Variants in ZC3H15 observed in about 807,000 individuals in gnomAD.
The protein encoded by ZC3H15 is zinc finger CCCH-type containing 15.
Under a neutral mutation model 51.2 loss-of-function variants are expected in ZC3H15, and 15 were observed. The observed-to-expected ratio is 0.29, with a 90% confidence interval of 0.20 to 0.45. The LOEUF is 0.45. Among genes scored for constraint, ZC3H15 ranks in the 20% least tolerant of loss-of-function variants. ZC3H15 has a pLI of 1.00. For missense variants in ZC3H15, 381 were observed against 494.7 expected, an observed-to-expected ratio of 0.77 and a Z score of 2.18; for synonymous variants, 144 against 162.8, an observed-to-expected ratio of 0.88 and a Z score of 0.88.
chr2:186,508,837 C>A lies in ZC3H15; in HGVS notation c.*104C>A. ...ATCAACAGGATGTTTATTTCCTATG[C>A]TGATTCTGGAGGAGTTAACCTCCTG... On this transcript the variant is annotated 3_prime_UTR_variant, in exon 10 of 10. Transcript: ENST00000337859. The A allele has an allele frequency of 1.5e-6, 2 of 1,306,356 alleles. No individual in the cohort carries two copies. The highest frequency in any genetic ancestry group is 2.1e-6 in the Non-Finnish European group (2 of 948,138). 80.9% of individuals were successfully genotyped at this position (1,306,356 alleles called of 1,614,324 possible).
intron 2 of ZC3H15, among the ~76,000 whole-genome samples, chr2:186,498,976 T>C (rs1411641537): frequency 1.3e-5 from 2 of 152,204 alleles, no homozygotes; most frequent in Non-Finnish European, 2.9e-5. Context: ...TCTTGCACTC[T>C]GTATGTCTAA....
rs144608903 is a variant in ZC3H15 at position 186,505,712 on chromosome 2, G to C, written c.865-28G>C. ...CAAGGAATGTTTAGATTTTTGTCCT[G>C]AGTTGATATATTTGTGTGTCTCAAT... On this transcript the variant is annotated intron_variant, in intron 7 of 9. Coordinates refer to ENST00000337859, the MANE Select transcript of ZC3H15 (RefSeq NM_018471.3). The C allele has an allele frequency of 6.1e-4, 976 of 1,609,274 alleles. 5 individuals are homozygous for C. The African/African-American group carries it at 0.012, about 20-fold the overall frequency.
chr2:186,493,653 G>T (rs1338718464), intron 1 of ZC3H15, among the ~76,000 whole-genome samples: 1 of 151,958 alleles, frequency 6.6e-6, no homozygotes, highest in African/African-American at 2.4e-5. Flanking sequence ...AGATCTGGAG[G>T]CTAGAAGTCT....
At chr2:186,507,263 G>GT in intron 9 of ZC3H15, 1 of 373,814 alleles carries the variant, frequency 2.7e-6, no homozygotes, top group Admixed American at 3.6e-5. Context: ...AAAGAAGCAA[G>GT]TAGGATGAAA....
Position 186,500,290 on chromosome 2 carries a change from A to G in ZC3H15, c.286A>G (p.Lys96Glu). 1 of 1,600,346 alleles carries G rather than the reference A, an allele frequency of 6.2e-7. No homozygotes were observed. The highest frequency in any genetic ancestry group is 8.5e-7 in the Non-Finnish European group (1 of 1,175,626). ...TGTAGTTGCTGCTCAAAAAATAAGTAAAGGTAAACTTAAAATTTCAGAAGT... is the reference window on the plus strand; with the variant it reads ...TGTAGTTGCTGCTCAAAAAATAAGTGAAGGTAAACTTAAAATTTCAGAAGT... Reference protein sequence around the residue: ...KPVVAAQKISKGADPKSVVCA... With the variant: ...KPVVAAQKISEGADPKSVVCA... Residue 96 changes from lysine (K) to glutamate (E), a missense_variant, in exon 3 of 10, where the codon AAA (lysine) becomes GAA (glutamate). Coordinates refer to ENST00000337859, the MANE Select transcript of ZC3H15 (RefSeq NM_018471.3).
chr2:186,505,429 A>T, intron 6 of ZC3H15, 22 bp from the exon 7 acceptor site: 2 of 1,515,340 alleles, frequency 1.3e-6, no homozygotes, highest in South Asian at 2.7e-5. Context: ...GTGGAAAAAA[A>T]ATTAATTCTT....
At chr2:186,507,533 A>G (rs2105595367) in intron 9 of ZC3H15, 4 of 454,878 alleles carry the variant, frequency 8.8e-6, no homozygotes, top group Non-Finnish European at 1.3e-5. Flanking sequence ...TGAAAGTATA[A>G]ATAATGAGTT....
chr2:186,498,837 TTTAA>T (rs1273211868), intron 2 of ZC3H15, among the ~76,000 whole-genome samples: 3 of 152,188 alleles, frequency 2.0e-5, no homozygotes, highest in African/African-American at 7.2e-5. Flanking sequence ...TACCCAAAGT[TTTAA>T]TTGTTACCTG....
rs1685511055 is a variant in ZC3H15, at chr2:186,508,940, T to A, written c.*207T>A. 1.5e-6 allele frequency: 1 copy of A among 652,342 alleles called. No individual in the cohort carries two copies. The highest frequency in any genetic ancestry group is 2.8e-6 in the Non-Finnish European group (1 of 360,518). 40.4% of individuals were successfully genotyped at this position (652,342 alleles called of 1,614,324 possible). On this transcript the variant is annotated 3_prime_UTR_variant, in exon 10 of 10. Transcript: ENST00000337859. ...ATAGTAAGTTCAGAGTAGTTCATGA[T>A]AAATTGAAAATATAATGGTCATTGC...
chr2:186,503,962 T>A, intron 5 of ZC3H15, 70 bp from the exon 6 acceptor site: 1 of 1,299,300 alleles, frequency 7.7e-7, no homozygotes, highest in Non-Finnish European at 1.0e-6. Flanking sequence ...ACTTGTTCCA[T>A]ATACTCAGGC....
intron 2 of ZC3H15, among the ~76,000 whole-genome samples, chr2:186,498,525 T>C (rs1685320932): frequency 6.6e-6 from 1 of 152,254 alleles, no homozygotes; most frequent in Non-Finnish European, 1.5e-5. Flanking sequence ...GATACTTCTA[T>C]TAAAAATTAA....
At chr2:186,506,353 T>A (rs1022858132) in intron 8 of ZC3H15, among the ~76,000 whole-genome samples, 1 of 152,330 alleles carries the variant, frequency 6.6e-6, no homozygotes, top group South Asian at 2.1e-4. Context: ...AGAAAAAAAT[T>A]GTACTCTATA....
chr2:186,505,930 A>T, intron 8 of ZC3H15, 89 bp downstream of exon 8: 1 of 1,366,410 alleles, frequency 7.3e-7, no homozygotes, highest in African/African-American at 1.4e-5. Flanking sequence ...CACCAACATC[A>T]GAGCCACAGT....
At chr2:186,491,557 A>G (rs2105585761) in intron 1 of ZC3H15, among the ~76,000 whole-genome samples, 1 of 152,288 alleles carries the variant, frequency 6.6e-6, no homozygotes, top group East Asian at 1.9e-4. Flanking sequence ...TAACTTTCAC[A>G]ACAACCCTAA....
chr2:186,500,327 T>C (rs1027257658), intron 3 of ZC3H15, 34 bp downstream of exon 3: 26 of 1,510,868 alleles, frequency 1.7e-5, no homozygotes, highest in Non-Finnish European at 2.3e-5. Context: ...TGATTTTTTA[T>C]CAAATGTAGT....
intron 4 of ZC3H15, among the ~76,000 whole-genome samples, 198 bp downstream of exon 4, chr2:186,501,623 C>G (rs905245557): frequency 1.3e-5 from 2 of 151,994 alleles, no homozygotes; most frequent in African/African-American, 2.4e-5. Context: ...CTTTAAAAAA[C>G]AGTGATTTAT....
intron 1 of ZC3H15, among the ~76,000 whole-genome samples, chr2:186,490,701 T>C (rs1471947508): frequency 6.6e-6 from 1 of 152,188 alleles, no homozygotes; most frequent in Non-Finnish European, 1.5e-5. Context: ...CCAAACATCT[T>C]ATTTAAGCAG....
At chr2:186,504,716 A>G (rs529619664) in intron 6 of ZC3H15, among the ~76,000 whole-genome samples, 1 of 152,348 alleles carries the variant, frequency 6.6e-6, no homozygotes, top group Non-Finnish European at 1.5e-5. Flanking sequence ...GCTCCGTACA[A>G]AACACAGTTT....
At chr2:186,490,717 G>A (rs895787353) in intron 1 of ZC3H15, among the ~76,000 whole-genome samples, 1 of 152,168 alleles carries the variant, frequency 6.6e-6, no homozygotes, top group African/African-American at 2.4e-5. Flanking sequence ...AGCAGTGGAG[G>A]CTGGCCCGTA....
Sources: allele counts gnomAD v4.1 joint callset (sites outside exome capture counted in the v4.1 genomes callset), GRCh38; gene constraint gnomAD v4.1.1; transcripts MANE v1.5; gene names NCBI Gene and HGNC (gene_info 2026-07-23, HGNC 2026-07-21).